The following COL5A1 variants were observed in gnomAD, a reference collection of about 807,000 sequenced individuals.
COL5A1 encodes the protein collagen type V alpha 1 chain.
A neutral mutation model predicts 263.7 loss-of-function variants in COL5A1; 16 were observed. The ratio of observed to expected loss-of-function variants is 0.06; its 90% confidence interval spans 0.04 to 0.09. The LOEUF is 0.09. Ranked by LOEUF, COL5A1 falls within the 10% of genes least tolerant of loss-of-function variation. COL5A1 has a pLI of 1.00. For missense variants in COL5A1, 2,036 were observed against 2,540.5 expected (o/e 0.80, Z 4.27); for synonymous variants, 1,012 against 1,004.5 (o/e 1.01, Z -0.14).
Position 134,797,088 on chromosome 9 carries a change from C to T in COL5A1, c.2898+187C>T, listed in dbSNP as rs559138922. ...GGGGGAGACCCCCCCACCGCCAAGG[C>T]GGCTGTGGGGCAGTCTGTGGCTGTG... On this transcript the variant is annotated intron_variant, in intron 36 of 65. Transcript: ENST00000371817. Among the ~76,000 whole-genome samples, 28 of 152,368 alleles carry T rather than the reference C, an allele frequency of 1.8e-4. No homozygotes were observed. The South Asian group carries it at 4.1e-3, about 23-fold the overall frequency.
rs567852004 is a variant in COL5A1, at chr9:134,799,712, C to T, written c.2952+1251C>T. On this transcript the variant is annotated intron_variant, in intron 37 of 65. Transcript: ENST00000371817. ...ATTATACCTTCACTGGTGTTCTGCA[C>T]GGCGCATGCTGCCTGATAAATGGAG... 1.7e-4 allele frequency among the ~76,000 whole-genome samples: 26 copies of T among 152,334 alleles called. 1 individual carries two copies. The highest frequency in any genetic ancestry group is 4.1e-4 in the African/African-American group (17 of 41,574).
At position 134,641,993 on chromosome 9, in the gene COL5A1, C is replaced by A; in HGVS notation, c.-195C>A. The A allele has an allele frequency of 2.2e-6, 1 of 457,730 alleles. No individual in the cohort carries two copies. Among genetic ancestry groups the A allele is most frequent in the Non-Finnish European group, 3.5e-6 (1 of 281,716 alleles). The allele number at this position is 457,730 out of a possible 1,614,324, so 28.4% of individuals were successfully genotyped here. The stretch of plus-strand genomic sequence containing the variant: ...CGGGCCAAAGTCGAGCCCTCCCGCC[C>A]GTGGGCGAGCGCGCCAGCCGCCCCT... On this transcript the variant is annotated 5_prime_UTR_variant, in exon 1 of 66. Transcript: ENST00000371817.
intron 1 of COL5A1, among the ~76,000 whole-genome samples, chr9:134,685,979 GCCATCCATCCACCCACCCATCCAT>G (rs1833066616): frequency 7.1e-6 from 1 of 140,594 alleles, no homozygotes; most frequent in African/African-American, 2.7e-5. Flanking sequence ...CCATCCATTA[GCCATCCATCCACCCACCCATCCAT>G]CCATTCATCC....
At chr9:134,800,427 C>T (rs900327183) in intron 37 of COL5A1, among the ~76,000 whole-genome samples, 2 of 152,136 alleles carry the variant, frequency 1.3e-5, no homozygotes, top group African/African-American at 2.4e-5. Flanking sequence ...CTTAAAGAGG[C>T]GAGCCCTCCT....
chr9:134,814,762 G>A (rs1375417952), intron 49 of COL5A1, 35 bp from the exon 50 acceptor site: 9 of 1,503,342 alleles, frequency 6.0e-6, no homozygotes, highest in Non-Finnish European at 8.2e-6. Context: ...GACGTGGTTG[G>A]CTCTGAGGAC....
chr9:134,811,668 T>C, intron 46 of COL5A1, 69 bp downstream of exon 46: 1 of 1,275,916 alleles, frequency 7.8e-7, no homozygotes, highest in Non-Finnish European at 1.1e-6. Context: ...CATTGTGCTC[T>C]CTCCTCTTGT....
intron 63 of COL5A1, among the ~76,000 whole-genome samples, chr9:134,829,056 G>C (rs1280980599): frequency 6.6e-6 from 1 of 152,198 alleles, no homozygotes; most frequent in East Asian, 1.9e-4. Context: ...GTGAGGATGG[G>C]ATGAGGATGC....
chr9:134,838,955 C>A (rs1033493827), intron 65 of COL5A1, among the ~76,000 whole-genome samples: 1 of 152,212 alleles, frequency 6.6e-6, no homozygotes, highest in African/African-American at 2.4e-5. Flanking sequence ...CTGCTGACCC[C>A]AGTCCCTGAC....
At position 134,690,895 on chromosome 9, in the gene COL5A1, C is replaced by T. The variant is rs1323507845; in HGVS notation, c.110-17C>T. 6.2e-7 allele frequency: 1 copy of T among 1,613,330 alleles called. No individual in the cohort carries two copies. The highest frequency in any genetic ancestry group is 1.3e-5 in the African/African-American group (1 of 74,952). On this transcript the variant is annotated splice_polypyrimidine_tract_variant and intron_variant, in intron 1 of 65. Coordinates refer to ENST00000371817, the MANE Select transcript of COL5A1 (RefSeq NM_000093.5). Reference sequence around the variant, plus strand: ...TTCCTCTCCGTGGCTAACTCTGCTCCTCCTCTGTCATTTCAGCTCAGCCAG... The same window carrying T: ...TTCCTCTCCGTGGCTAACTCTGCTCTTCCTCTGTCATTTCAGCTCAGCCAG...
rs763070143 is a variant in COL5A1, at chr9:134,728,810, C to G, written c.924+3C>G. ...AAGAAACCACAGAGGTCCCCGAGGTCTGGGCTGAGCGGGGGACTGGGTTGG... is the reference window on the plus strand; with the variant it reads ...AAGAAACCACAGAGGTCCCCGAGGTGTGGGCTGAGCGGGGGACTGGGTTGG... On this transcript the variant is annotated splice_donor_region_variant and intron_variant, in intron 6 of 65. Transcript: ENST00000371817. 6.2e-7 allele frequency: 1 copy of G among 1,614,100 alleles called. No homozygotes were observed. Among genetic ancestry groups the G allele is most frequent in the Non-Finnish European group, 8.5e-7 (1 of 1,180,036 alleles).
At chr9:134,822,247 G>T (rs1031960109) in intron 59 of COL5A1, 97 bp downstream of exon 59, 14 of 1,100,432 alleles carry the variant, frequency 1.3e-5, no homozygotes, top group Non-Finnish European at 1.8e-5. Flanking sequence ...TTGTGGAAAA[G>T]TCACACGAGA....
intron 25 of COL5A1, among the ~76,000 whole-genome samples, chr9:134,770,842 T>C (rs981863752): frequency 4.6e-5 from 7 of 152,346 alleles, no homozygotes; most frequent in African/African-American, 1.7e-4. Flanking sequence ...GGAAAATCAG[T>C]CGTGGTTATC....
In COL5A1 at chr9:134,738,012, G is replaced by C. The variant is rs553074935; in HGVS notation, c.1390-462G>C. On this transcript the variant is annotated intron_variant, in intron 9 of 65. Transcript: ENST00000371817. Reference sequence around the variant, plus strand: ...GGGCCTGACGGTGGTCCTGGCTGGGGACAGAAGTTCAGCCTGGAGCTGGGG... The same window carrying C: ...GGGCCTGACGGTGGTCCTGGCTGGGCACAGAAGTTCAGCCTGGAGCTGGGG... Among the ~76,000 whole-genome samples the C allele has an allele frequency of 4.6e-5, 7 of 152,268 alleles. No homozygotes were observed. In the East Asian group the frequency reaches 1.4e-3, roughly 29 times the overall value.
intron 63 of COL5A1, among the ~76,000 whole-genome samples, chr9:134,829,174 AC>A (rs1839463504): frequency 6.6e-6 from 1 of 152,234 alleles, no homozygotes; most frequent in African/African-American, 2.4e-5. Context: ...TCCAGCAGTG[AC>A]TGAGCACCAG....
At chr9:134,684,741 G>A (rs1316355433) in intron 1 of COL5A1, among the ~76,000 whole-genome samples, 2 of 152,200 alleles carry the variant, frequency 1.3e-5, no homozygotes, top group Non-Finnish European at 2.9e-5. Context: ...GACAGAGAAA[G>A]TTATCCTAGC....
intron 11 of COL5A1, among the ~76,000 whole-genome samples, chr9:134,744,887 A>G (rs911509301): frequency 1.4e-5 from 2 of 140,806 alleles, no homozygotes; most frequent in South Asian, 2.2e-4. Context: ...ACACACCTGC[A>G]CACACACTCA....
At chr9:134,822,911 G>C in intron 59 of COL5A1, 87 bp from the exon 60 acceptor site, 1 of 1,494,340 alleles carries the variant, frequency 6.7e-7, no homozygotes. Context: ...GGGGCGAGGG[G>C]CGAGACCAGG....
At chr9:134,743,430 T>C (rs1342049530) in intron 11 of COL5A1, among the ~76,000 whole-genome samples, 1 of 152,210 alleles carries the variant, frequency 6.6e-6, no homozygotes, top group Non-Finnish European at 1.5e-5. Context: ...ACAGCATATT[T>C]ATTACTTTTG....
intron 37 of COL5A1, 144 bp from the exon 38 acceptor site, chr9:134,801,807 CAAG>C: frequency 1.4e-6 from 1 of 720,148 alleles, no homozygotes; most frequent in Non-Finnish European, 2.4e-6. Context: ...AAAAATGAAA[CAAG>C]AGACATGGGC....
Sources: gnomAD v4.1 joint callset for allele counts (sites outside exome capture counted in the v4.1 genomes callset) on GRCh38, gnomAD v4.1.1 for gene constraint, MANE v1.5 for transcripts, NCBI Gene and HGNC (gene_info 2026-07-23, HGNC 2026-07-21) for gene names.